CCNY: variants seen among roughly 807,000 people sequenced by gnomAD.
CCNY encodes the protein cyclin-Y.
Under a neutral mutation model 42.8 loss-of-function variants are expected in CCNY, and 19 were observed. The observed-to-expected ratio is 0.44, with a 90% CI of 0.31 to 0.65. The LOEUF is 0.65. Among genes scored for constraint, CCNY ranks in the 30% least tolerant of loss-of-function variants. The pLI is 0.07. For missense variants in CCNY, 370 were observed against 437.3 expected (o/e 0.85, Z 1.37); for synonymous variants, 165 against 162.7 (o/e 1.01, Z -0.11).
intron 1 of CCNY, among the ~76,000 whole-genome samples, chr10:35,475,098 AAAAG>A (rs1446347751): frequency 6.6e-6 from 1 of 152,200 alleles, no homozygotes; most frequent in East Asian, 1.9e-4. Context: ...AAAAAGAATA[AAAAG>A]AAAGGAGCAA....
At chr10:35,425,565 A>G (rs1345272076) in intron 1 of CCNY, among the ~76,000 whole-genome samples, 7 of 152,256 alleles carry the variant, frequency 4.6e-5, no homozygotes, top group Admixed American at 4.6e-4. Flanking sequence ...TGTAAGTGTG[A>G]ATATGGAAAG....
At chr10:35,488,057 A>G (rs1839822099) in intron 2 of CCNY, among the ~76,000 whole-genome samples, 1 of 152,218 alleles carries the variant, frequency 6.6e-6, no homozygotes, top group South Asian at 2.1e-4. Flanking sequence ...TGTGATTTTT[A>G]GAGATTTATT....
chr10:35,436,984 G>A (rs1003804675), intron 1 of CCNY, among the ~76,000 whole-genome samples: 3 of 152,178 alleles, frequency 2.0e-5, no homozygotes, highest in Non-Finnish European at 4.4e-5. Flanking sequence ...CAATCATGGC[G>A]GAAGGCGGAA....
chr10:35,430,336 C>CAAAAAAA (rs397954370), intron 1 of CCNY, among the ~76,000 whole-genome samples: 1 of 55,592 alleles, frequency 1.8e-5, no homozygotes, highest in Non-Finnish European at 3.5e-5. Flanking sequence ...GACTCCGTCT[C>CAAAAAAA]AAAAAAAAAA....
At position 35,336,669 on chromosome 10, in the gene CCNY, C is replaced by G. The variant is rs1177298055; in HGVS notation, c.-385C>G. The stretch of plus-strand genomic sequence containing the variant: ...CCGAGGCGGCCGCCGTCGCCGCAGC[C>G]GCCGGGGAAGCGGACACCAACTGGG... On this transcript the variant is annotated 5_prime_UTR_variant, in exon 1 of 10. Transcript: ENST00000374704. Among the ~76,000 whole-genome samples, 2 of 147,590 alleles carry G rather than the reference C, an allele frequency of 1.4e-5. No individual in the cohort carries two copies. The highest frequency in any genetic ancestry group is 3.0e-5 in the Non-Finnish European group (2 of 66,178).
chr10:35,293,299 T>C (rs2135065553), intron 3 of CCNY, among the ~76,000 whole-genome samples: 1 of 152,322 alleles, frequency 6.6e-6, no homozygotes, highest in South Asian at 2.1e-4. Context: ...AATGTGAAAG[T>C]TTATTTCTGA....
chr10:35,368,996 C>T (rs1224303411), intron 1 of CCNY, among the ~76,000 whole-genome samples: 1 of 152,196 alleles, frequency 6.6e-6, no homozygotes, highest in Non-Finnish European at 1.5e-5. Flanking sequence ...TTCTGGTGTA[C>T]AGGAAGGAGC....
chr10:35,416,160 C>CGTGTGT (rs57188309), intron 1 of CCNY, among the ~76,000 whole-genome samples: 593 of 144,584 alleles, frequency 4.1e-3, no homozygotes, highest in African/African-American at 9.7e-3. Context: ...TTGTGGCACC[C>CGTGTGT]GTGTGTGTGT....
chr10:35,293,493 T>C (rs1262190283), intron 3 of CCNY, among the ~76,000 whole-genome samples: 1 of 152,220 alleles, frequency 6.6e-6, no homozygotes, highest in East Asian at 1.9e-4. Flanking sequence ...TGCCAGTTTC[T>C]GCAAAGAAGT....
At chr10:35,479,682 A>C (rs374378658) in intron 1 of CCNY, among the ~76,000 whole-genome samples, 7,298 of 150,066 alleles carry the variant, frequency 0.049, 448 homozygotes, top group African/African-American at 0.16. Flanking sequence ...TGGGTGCAGC[A>C]CACCAGCATG....
At chr10:35,526,044 G>A in intron 5 of CCNY, 45 bp downstream of exon 5, 1 of 1,525,652 alleles carries the variant, frequency 6.6e-7, no homozygotes, top group Admixed American at 1.8e-5. Flanking sequence ...GTTATCTTCT[G>A]TTATGTTGTT....
chr10:35,247,816 C>A (rs1261271849), intron 1 of CCNY, among the ~76,000 whole-genome samples: 1 of 137,498 alleles, frequency 7.3e-6, no homozygotes, highest in Non-Finnish European at 1.5e-5. Flanking sequence ...GTGGAGCTTG[C>A]AGTGAGCAGA....
chr10:35,474,497 C>A (rs924809303), intron 1 of CCNY, among the ~76,000 whole-genome samples: 18 of 152,296 alleles, frequency 1.2e-4, no homozygotes, highest in Middle Eastern at 3.4e-3. Context: ...CCCCTGACCC[C>A]CGAGCAGCCT....
chr10:35,347,778 G>T (rs988299102), intron 1 of CCNY, among the ~76,000 whole-genome samples: 4 of 151,950 alleles, frequency 2.6e-5, no homozygotes, highest in African/African-American at 9.7e-5. Context: ...TGACTTTCAG[G>T]ATTTTATTGG....
At chr10:35,400,744 C>T (rs1236635631) in intron 1 of CCNY, among the ~76,000 whole-genome samples, 8 of 152,110 alleles carry the variant, frequency 5.3e-5, no homozygotes, top group East Asian at 1.9e-4. Context: ...TCTCCTCCCC[C>T]GGGATTGTAA....
intron 1 of CCNY, among the ~76,000 whole-genome samples, chr10:35,465,343 G>C (rs1199700146): frequency 1.3e-5 from 2 of 152,074 alleles, no homozygotes; most frequent in African/African-American, 4.8e-5. Context: ...TTGTTGCTCT[G>C]ATCGTCCTAG....
chr10:35,337,089 T>C lies in CCNY; in HGVS notation c.36T>C (p.Ser12=), dbSNP rs1836055749. Reference sequence around the variant, plus strand: ...CTACCTCGTGCTGCGTGTCGTCCAGTCCCAAGCTCCGGAGGAATGCCCACT... The same window carrying C: ...CTACCTCGTGCTGCGTGTCGTCCAGCCCCAAGCTCCGGAGGAATGCCCACT... ...GNTTSCCVSS[S]PKLRRNAHSR... Residue 12 remains serine, a synonymous_variant, in exon 1 of 10, where the codon AGT becomes AGC. Transcript: ENST00000374704. 6.3e-7 allele frequency: 1 copy of C among 1,594,764 alleles called. No individual in the cohort carries two copies. Among genetic ancestry groups the C allele is most frequent in the African/African-American group, 1.4e-5 (1 of 72,780 alleles).
At chr10:35,390,239 TAATTAGTAG>T (rs1490711838) in intron 1 of CCNY, among the ~76,000 whole-genome samples, 3 of 152,184 alleles carry the variant, frequency 2.0e-5, no homozygotes, top group Non-Finnish European at 4.4e-5. Context: ...TTGCAATGAT[TAATTAGTAG>T]GAAGCAAACC....
chr10:35,310,373 T>C (rs377640583), intron 3 of CCNY, among the ~76,000 whole-genome samples: 1 of 152,236 alleles, frequency 6.6e-6, no homozygotes, highest in African/African-American at 2.4e-5. Context: ...TGTGCTCCAA[T>C]AAACATACAA....
Sources: allele counts gnomAD v4.1 joint callset (sites outside exome capture counted in the v4.1 genomes callset), GRCh38; gene constraint gnomAD v4.1.1; transcripts MANE v1.5; gene names NCBI Gene and HGNC (gene_info 2026-07-23, HGNC 2026-07-21).